The following CARMIL1 variants were observed in gnomAD, a reference collection of about 807,000 sequenced individuals.
CARMIL1 encodes F-actin-uncapping protein LRRC16A.
Under a neutral mutation model 177.1 loss-of-function variants are expected in CARMIL1, and 90 were observed. The observed-to-expected ratio is 0.51, with a 90% CI of 0.43 to 0.61. The LOEUF (loss-of-function observed/expected upper bound fraction) is 0.61. Among genes scored for constraint, CARMIL1 ranks in the 20% least tolerant of loss-of-function variants. The probability of loss-of-function intolerance (pLI) is 0.00; values close to 1 mark genes in which losing one functional copy is unlikely to be tolerated. For synonymous variants in CARMIL1, 577 were observed against 606.2 expected, an observed-to-expected ratio of 0.95 and a Z score of 0.71; for missense variants, 1,380 against 1,667.0, an observed-to-expected ratio of 0.83 and a Z score of 3.00.
At position 25,558,739 on chromosome 6, in the gene CARMIL1, G is replaced by A. The variant is rs184364548; in HGVS notation, c.2742+1889G>A. Reference sequence around the variant, plus strand: ...TTTATCTGGTTTAAAGGGCCAAGGAGGTAAGCAGGGAGGGCCATTCCTGAG... The same window carrying A: ...TTTATCTGGTTTAAAGGGCCAAGGAAGTAAGCAGGGAGGGCCATTCCTGAG... On this transcript the variant is annotated intron_variant, in intron 29 of 36. Coordinates refer to ENST00000329474, the MANE Select transcript of CARMIL1 (RefSeq NM_017640.6). The surrounding 1 kb of genome is among the most constrained non-coding windows in gnomAD (Gnocchi z 4.1). 2.1e-3 allele frequency among the ~76,000 whole-genome samples: 325 copies of A among 152,210 alleles called. No homozygotes were observed. Among genetic ancestry groups the A allele is most frequent in the African/African-American group, 7.6e-3 (316 of 41,510 alleles).
intron 2 of CARMIL1, among the ~76,000 whole-genome samples, chr6:25,365,431 C>T (rs1483303383): frequency 6.6e-6 from 1 of 152,172 alleles, no homozygotes; most frequent in Non-Finnish European, 1.5e-5. Context: ...GCTGTCAGTG[C>T]ACTGAGGGAT....
intron 28 of CARMIL1, among the ~76,000 whole-genome samples, chr6:25,555,998 A>G (rs2151179289): frequency 6.6e-6 from 1 of 152,310 alleles, no homozygotes; most frequent in Admixed American, 6.5e-5. Context: ...GAAAGAGATT[A>G]AGTCTCATAT....
At chr6:25,344,047 T>C (rs1218018637) in intron 2 of CARMIL1, among the ~76,000 whole-genome samples, 5 of 152,188 alleles carry the variant, frequency 3.3e-5, no homozygotes, top group Non-Finnish European at 5.9e-5. Context: ...TCTGGTTCAC[T>C]GTCCCTGTCT....
chr6:25,476,401 C>T (rs1182010615), intron 11 of CARMIL1, among the ~76,000 whole-genome samples: 1 of 152,216 alleles, frequency 6.6e-6, no homozygotes, highest in African/African-American at 2.4e-5. Flanking sequence ...CAGACCAAGA[C>T]TTTTCTCATT....
At chr6:25,490,955 C>T (rs938326914) in intron 13 of CARMIL1, among the ~76,000 whole-genome samples, 3 of 152,194 alleles carry the variant, frequency 2.0e-5, no homozygotes, top group Non-Finnish European at 4.4e-5. Flanking sequence ...TCCAGTGAAG[C>T]AGAGGAGAAT....
At chr6:25,552,519 T>C (rs1368056422) in intron 27 of CARMIL1, among the ~76,000 whole-genome samples, 1 of 152,150 alleles carries the variant, frequency 6.6e-6, no homozygotes, top group Non-Finnish European at 1.5e-5. Flanking sequence ...TATTTACACC[T>C]ACACATGCAT....
At chr6:25,346,501 A>G (rs1183088569) in intron 2 of CARMIL1, among the ~76,000 whole-genome samples, 2 of 152,068 alleles carry the variant, frequency 1.3e-5, no homozygotes, top group African/African-American at 4.8e-5. Flanking sequence ...CCCTCCTGAC[A>G]CTTTCTGTCT....
intron 2 of CARMIL1, among the ~76,000 whole-genome samples, chr6:25,398,411 T>C (rs1562085642): frequency 6.6e-6 from 1 of 152,216 alleles, no homozygotes; most frequent in Non-Finnish European, 1.5e-5. Flanking sequence ...CCCAAAGGTT[T>C]CACATACAGG....
At chr6:25,368,437 C>T (rs1362452556) in intron 2 of CARMIL1, among the ~76,000 whole-genome samples, 4 of 152,136 alleles carry the variant, frequency 2.6e-5, no homozygotes, top group South Asian at 4.1e-4. Context: ...TAAATTAGCC[C>T]AGTACATCAC....
At chr6:25,599,826 A>C (rs188494974) in intron 32 of CARMIL1, among the ~76,000 whole-genome samples, 3 of 152,078 alleles carry the variant, frequency 2.0e-5, no homozygotes, top group African/African-American at 7.2e-5. Context: ...TCTGATGACT[A>C]TCTTGAGTAA....
chr6:25,557,385 A>G (rs559159930), intron 29 of CARMIL1, among the ~76,000 whole-genome samples: 1 of 152,282 alleles, frequency 6.6e-6, no homozygotes, highest in East Asian at 1.9e-4. Context: ...CATTTTCTAA[A>G]TTTCATGTAG....
intron 26 of CARMIL1, among the ~76,000 whole-genome samples, chr6:25,541,095 C>A (rs1032748097): frequency 1.3e-5 from 2 of 152,118 alleles, no homozygotes; most frequent in African/African-American, 4.8e-5. Context: ...TTTTATCCTG[C>A]ATGAAGGATA....
intron 29 of CARMIL1, among the ~76,000 whole-genome samples, chr6:25,568,393 G>T (rs1447982035): frequency 6.6e-6 from 1 of 152,208 alleles, no homozygotes; most frequent in Non-Finnish European, 1.5e-5. Flanking sequence ...TCAGCGCCCA[G>T]CCTAGGACCA....
At chr6:25,443,870 C>T (rs1223024185) in intron 5 of CARMIL1, among the ~76,000 whole-genome samples, 1 of 151,826 alleles carries the variant, frequency 6.6e-6, no homozygotes, top group Non-Finnish European at 1.5e-5. Flanking sequence ...ATGGCACGAT[C>T]TCGGCTCACT....
intron 2 of CARMIL1, among the ~76,000 whole-genome samples, chr6:25,340,807 G>C (rs1313124643): frequency 1.4e-5 from 1 of 69,112 alleles, no homozygotes; most frequent in Non-Finnish European, 2.8e-5. Context: ...TTTTTTTTAA[G>C]TCGTGTAAGA....
intron 36 of CARMIL1, among the ~76,000 whole-genome samples, chr6:25,617,413 G>A (rs1238575376): frequency 6.6e-6 from 1 of 152,060 alleles, no homozygotes; most frequent in Non-Finnish European, 1.5e-5. Flanking sequence ...CAAAAATATT[G>A]GGAAGAATGA....
At chr6:25,449,782 C>A in intron 5 of CARMIL1, 116 bp from the exon 6 acceptor site, 1 of 577,612 alleles carries the variant, frequency 1.7e-6, no homozygotes, top group Non-Finnish European at 3.0e-6. Flanking sequence ...TGAAGAAAAA[C>A]TGAAATTGAA....
chr6:25,299,360 C>T (rs1049910919), intron 2 of CARMIL1, among the ~76,000 whole-genome samples: 1 of 150,090 alleles, frequency 6.7e-6, no homozygotes, highest in Non-Finnish European at 1.5e-5. Context: ...TTAGTAGAGA[C>T]GGGGTTTTAC....
intron 24 of CARMIL1, among the ~76,000 whole-genome samples, chr6:25,529,157 A>G (rs1174459457): frequency 6.6e-6 from 1 of 152,232 alleles, no homozygotes; most frequent in East Asian, 1.9e-4. Context: ...TTTTGATTAT[A>G]ATAGATAATA....
Sources: allele counts gnomAD v4.1 joint callset (sites outside exome capture counted in the v4.1 genomes callset), GRCh38; gene constraint gnomAD v4.1.1; non-coding constraint Gnocchi (gnomAD v3.1); transcripts MANE v1.5; gene names NCBI Gene and HGNC (gene_info 2026-07-23, HGNC 2026-07-21).